The following MIA2 variants were observed in gnomAD, a reference collection of about 807,000 sequenced individuals.
The protein encoded by MIA2 is melanoma inhibitory activity protein 2.
In MIA2, 127 loss-of-function variants were observed where a neutral mutation model predicts 167.8. That is an observed-to-expected ratio of 0.76 (90% CI 0.66 to 0.88). The LOEUF is 0.88. Ranked by LOEUF, MIA2 falls within the 40% of genes least tolerant of loss-of-function variation. The pLI, the probability that MIA2 is intolerant of heterozygous loss-of-function variation, is 0.00. For synonymous variants in MIA2, 552 were observed against 541.9 expected, an observed-to-expected ratio of 1.02 and a Z score of -0.26; for missense variants, 1,690 against 1,624.7, an observed-to-expected ratio of 1.04 and a Z score of -0.69.
At chr14:39,356,796 T>C (rs893597799) in intron 23 of MIA2, among the ~76,000 whole-genome samples, 1 of 152,200 alleles carries the variant, frequency 6.6e-6, no homozygotes, top group African/African-American at 2.4e-5. Context: ...TTTCTGCCTT[T>C]ATTTCGTTAT....
At position 39,267,566 on chromosome 14, in the gene MIA2, G is replaced by A. The variant is rs755817221; in HGVS notation, c.1888-9368G>A. 7 of 1,604,586 alleles carry A rather than the reference G, an allele frequency of 4.4e-6. No homozygotes were observed. In the Admixed American group the frequency reaches 8.5e-5, roughly 19 times the overall value. On this transcript the variant is annotated intron_variant, in intron 6 of 28. Coordinates refer to ENST00000640607, the MANE Select transcript of MIA2 (RefSeq NM_001329214.4). ...AGTGTTACGTGGCCCAGGGGTCGCG[G>A]GAGCCGCCGGGGGAAGGAAGCAGTA...
intron 13 of MIA2, among the ~76,000 whole-genome samples, chr14:39,298,443 A>ATATATATATATGT (rs1372100362): frequency 0.016 from 782 of 49,950 alleles, 95 homozygotes; most frequent in Non-Finnish European, 0.022. Flanking sequence ...ATATATATAT[A>ATATATATATATGT]AAGATTAGTT....
intron 23 of MIA2, chr14:39,385,261 GGTT>G: frequency 1.7e-6 from 1 of 590,086 alleles, no homozygotes; most frequent in Non-Finnish European, 3.0e-6. Flanking sequence ...TGATGAGGTA[GGTT>G]GTTTCCTATG....
intron 23 of MIA2, among the ~76,000 whole-genome samples, chr14:39,365,527 C>T (rs1472606177): frequency 6.6e-6 from 1 of 151,926 alleles, no homozygotes; most frequent in Non-Finnish European, 1.5e-5. Context: ...TTCAAAAGGC[C>T]TGTGTTTAGG....
intron 25 of MIA2, among the ~76,000 whole-genome samples, chr14:39,330,621 A>G (rs1307755121): frequency 1.3e-5 from 2 of 152,188 alleles, no homozygotes; most frequent in East Asian, 3.9e-4. Context: ...ATTTCCCTCT[A>G]AACACTGCTT....
At chr14:39,351,523 G>A (rs1195016312), downstream of MIA2, 1 of 152,182 alleles carries the variant, frequency 6.6e-6, no homozygotes, top group South Asian at 2.1e-4. Flanking sequence ...AAATTCTTAT[G>A]TTGAAATACT....
chr14:39,265,634 GT>G (rs542738434), intron 6 of MIA2: 931 of 373,122 alleles, frequency 2.5e-3, no homozygotes, highest in East Asian at 3.5e-3. Context: ...GCAAAGGGAG[GT>G]TTTTTTTTTG....
chr14:39,324,840 C>T (rs1252688752), intron 24 of MIA2, among the ~76,000 whole-genome samples: 5 of 152,116 alleles, frequency 3.3e-5, no homozygotes, highest in Non-Finnish European at 7.4e-5. Flanking sequence ...CTCCTCACCT[C>T]AGGTGATCCG....
chr14:39,249,015 A>G (rs1195271015), intron 4 of MIA2, among the ~76,000 whole-genome samples: 2 of 152,218 alleles, frequency 1.3e-5, no homozygotes, highest in Non-Finnish European at 2.9e-5. Flanking sequence ...CTAGGATTAC[A>G]GGTGTGAGCC....
At chr14:39,326,781 T>G in intron 24 of MIA2, 83 bp from the exon 25 acceptor site, 1 of 1,259,484 alleles carries the variant, frequency 7.9e-7, no homozygotes, top group Non-Finnish European at 1.1e-6. Context: ...ATTTATGATT[T>G]AACCACTGAT....
At chr14:39,300,941 T>TACACAC (rs1555378293) in intron 14 of MIA2, among the ~76,000 whole-genome samples, 4 of 141,092 alleles carry the variant, frequency 2.8e-5, no homozygotes, top group East Asian at 2.1e-4. Context: ...CACACATATA[T>TACACAC]ACATATATAC....
intron 23 of MIA2, among the ~76,000 whole-genome samples, chr14:39,379,075 C>G (rs139118048): frequency 6.6e-6 from 1 of 152,060 alleles, no homozygotes; most frequent in Non-Finnish European, 1.5e-5. Flanking sequence ...ATCTTATAAA[C>G]CTATTAAATT....
At chr14:39,238,793 C>CAAAAAAAAAAAAAAAAAAAAACAAAAA (rs769534317) in intron 2 of MIA2, among the ~76,000 whole-genome samples, 1 of 30,806 alleles carries the variant, frequency 3.2e-5, no homozygotes, top group African/African-American at 1.8e-4. Flanking sequence ...GACCCTGTCT[C>CAAAAAAAAAAAAAAAAAAAAACAAAAA]AAAAAAAAAA....
rs149599391 is a variant in MIA2 at position 39,317,954 on chromosome 14, G to A, written c.3227G>A (p.Arg1076Gln). 1.7e-4 allele frequency: 261 copies of A among 1,576,464 alleles called. No homozygotes were observed. Among genetic ancestry groups the A allele is most frequent in the Non-Finnish European group, 2.1e-4 (241 of 1,164,510 alleles). ...KKAHDNWLAA[R>Q]NAERNLNDLR... The stretch of plus-strand genomic sequence containing the variant: ...GTTATTTTCTTCAAGTTGGCAGCTC[G>A]GAATGCTGAAAGAAACCTCAATGAT... Residue 1076 changes from arginine to glutamine, a missense_variant, in exon 22 of 29, where the codon CGG (arginine) becomes CAG (glutamine). Arg to Gln is a conservative substitution (Grantham distance 43). Transcript: ENST00000640607.
At chr14:39,245,701 G>A (rs1210789486) in intron 3 of MIA2, among the ~76,000 whole-genome samples, 3 of 88,008 alleles carry the variant, frequency 3.4e-5, no homozygotes, top group African/African-American at 1.1e-4. Flanking sequence ...GGGAGAAAGC[G>A]AGAGAGAGAG....
At chr14:39,346,101 C>A in intron 26 of MIA2, 75 bp downstream of exon 26, 1 of 1,254,628 alleles carries the variant, frequency 8.0e-7, no homozygotes, top group South Asian at 1.3e-5. Flanking sequence ...AGAATAAAGA[C>A]CAATATAATT....
At position 39,299,909 on chromosome 14, in the gene MIA2, A is replaced by C. The variant is rs1047469215; in HGVS notation, c.2542A>C (p.Asn848His). Residue 848 changes from asparagine to histidine, a missense_variant, in exon 14 of 29, where the codon AAT (asparagine) becomes CAT (histidine). Transcript: ENST00000640607. ...ATGGAAAGAACAAGTGAGTGAACTT[A>C]ATAAACAGAAAGTAACATTTGAAGA... is the stretch of plus-strand genomic sequence containing the variant. ...EVWKEQVSELNKQKVTFEDSK... is the reference protein window; with the variant it reads ...EVWKEQVSELHKQKVTFEDSK... The C allele has an allele frequency of 1.1e-5, 17 of 1,609,160 alleles. No homozygotes were observed. Among genetic ancestry groups the C allele is most frequent in the Non-Finnish European group, 1.4e-5 (17 of 1,178,736 alleles).
intron 23 of MIA2, among the ~76,000 whole-genome samples, chr14:39,364,436 T>G (rs1230906737): frequency 1.0e-5 from 1 of 97,682 alleles, no homozygotes; most frequent in East Asian, 2.7e-4. Flanking sequence ...GGTTTGTTGG[T>G]TTTTTTTTTG....
chr14:39,254,907 A>G (rs2152642228), intron 6 of MIA2, among the ~76,000 whole-genome samples: 1 of 152,308 alleles, frequency 6.6e-6, no homozygotes. Flanking sequence ...CGTTGGATTT[A>G]ATGACTGACT....
Sources: gnomAD v4.1 joint callset for allele counts (sites outside exome capture counted in the v4.1 genomes callset) on GRCh38, gnomAD v4.1.1 for gene constraint, MANE v1.5 for transcripts, NCBI Gene and HGNC (gene_info 2026-07-23, HGNC 2026-07-21) for gene names.